The following GNG2 variants were observed in gnomAD, a reference collection of about 807,000 sequenced individuals.
The protein encoded by GNG2 is G protein subunit gamma 2, also known as guanine nucleotide-binding protein G(I)/G(S)/G(O) subunit gamma-2.
A neutral mutation model predicts 5.5 loss-of-function variants in GNG2; 5 were observed. That is an observed-to-expected ratio of 0.91 (90% CI 0.48 to 1.92). GNG2 has a LOEUF of 1.92. Ranked by LOEUF, GNG2 falls within the 30% of genes most tolerant of loss-of-function variation. The probability of loss-of-function intolerance (pLI) is 0.01; values close to 1 mark genes in which losing one functional copy is unlikely to be tolerated. For synonymous variants in GNG2, 28 were observed against 32.0 expected, an observed-to-expected ratio of 0.88 and a Z score of 0.42; for missense variants, 55 against 88.4, an observed-to-expected ratio of 0.62 and a Z score of 1.52.
intron 2 of GNG2, among the ~76,000 whole-genome samples, chr14:51,924,818 C>T (rs1333667388): frequency 6.6e-6 from 1 of 152,188 alleles, no homozygotes; most frequent in East Asian, 1.9e-4. Context: ...ACATCCTGTC[C>T]TCGTGCACGT....
chr14:51,909,688 C>A lies in GNG2; in HGVS notation c.-30+32031C>A, dbSNP rs1012959676. ...ACTCCAGGGCCCAAATTTGACTTCT[C>A]CCCCTTGAGTATGAATACTGAGGAA... On this transcript the variant is annotated intron_variant, in intron 2 of 3. Transcript: ENST00000556766. Among the ~76,000 whole-genome samples the A allele has an allele frequency of 2.0e-5, 3 of 152,170 alleles. No individual in the cohort carries two copies. In the South Asian group the frequency reaches 6.2e-4, roughly 32 times the overall value.
intron 2 of GNG2, among the ~76,000 whole-genome samples, chr14:51,949,771 C>G (rs1026817930): frequency 6.6e-6 from 1 of 151,772 alleles, no homozygotes; most frequent in Non-Finnish European, 1.5e-5. Context: ...GCATCAGCAA[C>G]GGGAATAAAA....
intron 1 of GNG2, among the ~76,000 whole-genome samples, chr14:51,872,766 G>A (rs1883395587): frequency 6.6e-6 from 1 of 152,180 alleles, no homozygotes; most frequent in Admixed American, 6.5e-5. Flanking sequence ...GAATAGATGA[G>A]TGGAAGCAGT....
intron 2 of GNG2, among the ~76,000 whole-genome samples, chr14:51,908,736 ATTTTTTTTTT>A (rs3030340): frequency 1.1e-5 from 1 of 89,878 alleles, no homozygotes; most frequent in African/African-American, 4.2e-5. Flanking sequence ...CACCCAGCTA[ATTTTTTTTTT>A]TTTTTTTTTT....
chr14:51,958,462 T>G (rs2140298199), intron 3 of GNG2, among the ~76,000 whole-genome samples: 1 of 141,360 alleles, frequency 7.1e-6, no homozygotes, highest in Admixed American at 7.3e-5. Context: ...TTATATTTCT[T>G]TCTATATCTG....
chr14:51,843,085 C>A (rs1484192266), intron 2 of GNG2, among the ~76,000 whole-genome samples: 1 of 152,136 alleles, frequency 6.6e-6, no homozygotes, highest in Admixed American at 6.5e-5. Flanking sequence ...AGACTAACAA[C>A]CCAATTAAGT....
intron 1 of GNG2, among the ~76,000 whole-genome samples, chr14:51,876,751 A>C (rs1223649602): frequency 6.6e-6 from 1 of 152,152 alleles, no homozygotes; most frequent in Non-Finnish European, 1.5e-5. Context: ...GCCAGTCTCA[A>C]GTAATGTGAG....
chr14:51,924,576 T>G (rs1887201208), intron 2 of GNG2, among the ~76,000 whole-genome samples: 1 of 152,202 alleles, frequency 6.6e-6, no homozygotes, highest in South Asian at 2.1e-4. Context: ...ACTTCTGCTC[T>G]GAGATTCAGC....
intron 2 of GNG2, among the ~76,000 whole-genome samples, chr14:51,898,188 G>A (rs984361228): frequency 2.6e-5 from 4 of 152,134 alleles, no homozygotes; most frequent in Non-Finnish European, 5.9e-5. Context: ...TCCCCAAGCT[G>A]CCTTTGAGGC....
At chr14:51,894,647 GTT>G (rs140364237) in intron 2 of GNG2, among the ~76,000 whole-genome samples, 2 of 151,252 alleles carry the variant, frequency 1.3e-5, no homozygotes, top group Admixed American at 6.6e-5. Context: ...TTACATTTCA[GTT>G]TTTTTTTAAG....
chr14:51,945,307 A>G (rs1888578849), intron 2 of GNG2, among the ~76,000 whole-genome samples: 1 of 152,226 alleles, frequency 6.6e-6, no homozygotes, highest in South Asian at 2.1e-4. Context: ...AGGTGAATGG[A>G]TAAAGAAAAT....
chr14:51,915,970 C>T (rs562136047), intron 2 of GNG2, among the ~76,000 whole-genome samples: 24 of 151,992 alleles, frequency 1.6e-4, no homozygotes, highest in African/African-American at 4.4e-4. Context: ...ATTTTCAGGA[C>T]GGGAGGCATT....
intron 2 of GNG2, among the ~76,000 whole-genome samples, chr14:51,880,793 T>C (rs763911219): frequency 4.3e-4 from 66 of 152,072 alleles, no homozygotes; most frequent in Non-Finnish European, 8.5e-4. Context: ...AAATGACTCT[T>C]AATAGAAAGT....
intron 3 of GNG2, chr14:51,952,045 A>C: frequency 1.6e-6 from 1 of 615,782 alleles, no homozygotes; most frequent in Non-Finnish European, 2.9e-6. Flanking sequence ...ATTTTTTAAA[A>C]AGAATTTTTC....
Position 51,871,852 on chromosome 14 carries a change from C to T in GNG2, c.-70-5765C>T, listed in dbSNP as rs1883316978. On this transcript the variant is annotated intron_variant, in intron 1 of 3. Transcript: ENST00000556766. ...ATAGTCTGGGTTTGTGCTGTTTGTTCAGGAATCCATGTGCTTAGCCATCAA... is the reference window on the plus strand; with the variant it reads ...ATAGTCTGGGTTTGTGCTGTTTGTTTAGGAATCCATGTGCTTAGCCATCAA... 2.0e-5 allele frequency among the ~76,000 whole-genome samples: 3 copies of T among 152,314 alleles called. No homozygotes were observed. The South Asian group carries it at 6.2e-4, about 32-fold the overall frequency.
rs559482530 is a variant in GNG2 at position 51,951,742 on chromosome 14, A to G, written c.87+977A>G. 2.1e-4 allele frequency: 125 copies of G among 585,684 alleles called. No individual in the cohort carries two copies. The East Asian group carries it at 3.7e-3, about 17-fold the overall frequency. The allele number at this position is 585,684 out of a possible 1,614,324, so 36.3% of individuals were successfully genotyped here. On this transcript the variant is annotated intron_variant, in intron 3 of 3. Coordinates refer to ENST00000556766, the MANE Select transcript of GNG2 (RefSeq NM_053064.5). Reference sequence around the variant, plus strand: ...ATGGGCCAAAGCCAGCCCACTGCCTATGTTTATAAAGAAAGTTTTATTAGA... The same window carrying G: ...ATGGGCCAAAGCCAGCCCACTGCCTGTGTTTATAAAGAAAGTTTTATTAGA...
chr14:51,841,623 G>T lies in GNG2; in HGVS notation c.64+13816G>T, dbSNP rs192817802. On this transcript the variant is annotated intron_variant, in intron 2 of 3. Transcript: ENST00000553432. ...AATATTTCAACAGAACCATTAAAAG[G>T]AAAGAAAACAAGCAAGCAAAACATT... The T allele has an allele frequency of 5.9e-4, 402 of 685,250 alleles. No homozygotes were observed. The Middle Eastern group carries it at 5.9e-3, about 10-fold the overall frequency. The allele number at this position is 685,250 out of a possible 1,614,324, so 42.4% of individuals were successfully genotyped here. A position where few individuals can be genotyped will look rare whatever the true frequency, so the allele number is the denominator to read the frequency against.
intron 2 of GNG2, among the ~76,000 whole-genome samples, chr14:51,831,346 G>A (rs544844859): frequency 1.3e-5 from 2 of 152,190 alleles, no homozygotes; most frequent in African/African-American, 4.8e-5. Flanking sequence ...GCAGGAGGAT[G>A]GGACAGGAAT....
intron 3 of GNG2, among the ~76,000 whole-genome samples, chr14:51,962,202 A>ATTCTT (rs1471629940): frequency 3.2e-5 from 1 of 30,844 alleles, no homozygotes; most frequent in Non-Finnish European, 9.5e-5. Flanking sequence ...AACATTTTAA[A>ATTCTT]TAATATTATT....
Sources: gnomAD v4.1 joint callset for allele counts (sites outside exome capture counted in the v4.1 genomes callset) on GRCh38, gnomAD v4.1.1 for gene constraint, MANE v1.5 for transcripts, NCBI Gene and HGNC (gene_info 2026-07-23, HGNC 2026-07-21) for gene names.